The following SFMBT1 variants were observed in gnomAD, a reference collection of about 807,000 sequenced individuals.
SFMBT1 encodes scm-like with four MBT domains protein 1.
Under a neutral mutation model 108.7 loss-of-function variants are expected in SFMBT1, and 32 were observed. That is an observed-to-expected ratio of 0.29 (90% CI 0.22 to 0.40). The LOEUF is 0.40. Ranked by LOEUF, SFMBT1 falls within the 10% of genes least tolerant of loss-of-function variation. SFMBT1 has a pLI of 1.00. For synonymous variants in SFMBT1, 348 were observed against 369.5 expected, an observed-to-expected ratio of 0.94 and a Z score of 0.67; for missense variants, 816 against 1,059.6, an observed-to-expected ratio of 0.77 and a Z score of 3.19.
At chr3:53,012,442 G>A (rs759833495) in intron 1 of SFMBT1, among the ~76,000 whole-genome samples, 13 of 149,950 alleles carry the variant, frequency 8.7e-5, no homozygotes, top group Non-Finnish European at 1.2e-4. Flanking sequence ...TCGCTCTGTC[G>A]CCCAGGCTGG....
In SFMBT1 at chr3:53,036,491, G is replaced by A. The variant is rs370703641; in HGVS notation, c.-131+9325C>T. On this transcript the variant is annotated intron_variant, in intron 1 of 20. Coordinates refer to ENST00000394752, the MANE Select transcript of SFMBT1 (RefSeq NM_016329.4). ...GGACAAAACAAACACCATCGCTGAG[G>A]AGCAATGTAAAGAAAGAGACCTGGG... 4.6e-5 allele frequency among the ~76,000 whole-genome samples: 7 copies of A among 152,326 alleles called. No individual in the cohort carries two copies. The East Asian group carries it at 5.8e-4, about 13-fold the overall frequency.
chr3:52,962,661 C>G (rs1704001287), intron 2 of SFMBT1, among the ~76,000 whole-genome samples: 1 of 151,814 alleles, frequency 6.6e-6, no homozygotes, highest in Admixed American at 6.6e-5. Context: ...CAAAAATTAG[C>G]CAGGTGCATG....
At chr3:53,001,633 G>C (rs1698550539) in intron 1 of SFMBT1, among the ~76,000 whole-genome samples, 1 of 148,710 alleles carries the variant, frequency 6.7e-6, no homozygotes, top group Non-Finnish European at 1.5e-5. Context: ...GCCAGGCACA[G>C]TGGCCGCGCC....
At chr3:53,004,526 C>A (rs1288800111) in intron 1 of SFMBT1, among the ~76,000 whole-genome samples, 1 of 150,026 alleles carries the variant, frequency 6.7e-6, no homozygotes, top group Admixed American at 6.7e-5. Flanking sequence ...CCTGCCTCGG[C>A]CTCCCAGAGT....
intron 2 of SFMBT1, among the ~76,000 whole-genome samples, chr3:52,965,554 A>G (rs982884370): frequency 6.6e-6 from 1 of 152,172 alleles, no homozygotes; most frequent in Non-Finnish European, 1.5e-5. Flanking sequence ...GAGGCCAGAA[A>G]GAAGTAGCAC....
rs117000645 is a variant in SFMBT1, at chr3:52,998,821, C to T, written c.-130-29563G>A. 9.3e-4 allele frequency among the ~76,000 whole-genome samples: 141 copies of T among 150,818 alleles called. 8 individuals carry two copies. The East Asian group carries it at 0.024, about 26-fold the overall frequency. The stretch of plus-strand genomic sequence containing the variant: ...GCCGATCGACCTGACTGGCCCACAA[C>T]GTCTTCAGCTACCACTGCAAGGGCC... On this transcript the variant is annotated intron_variant, in intron 1 of 20. Coordinates refer to ENST00000394752, the MANE Select transcript of SFMBT1 (RefSeq NM_016329.4).
chr3:52,931,120 C>A, intron 6 of SFMBT1, 85 bp from the exon 7 acceptor site: 2 of 1,252,364 alleles, frequency 1.6e-6, no homozygotes, highest in Middle Eastern at 2.0e-4. Flanking sequence ...TAAACAAAAA[C>A]AAGTCACTTT....
intron 1 of SFMBT1, among the ~76,000 whole-genome samples, chr3:52,999,574 C>G (rs1436625586): frequency 1.3e-5 from 2 of 150,344 alleles, no homozygotes; most frequent in African/African-American, 2.4e-5. Flanking sequence ...CACCCTGATG[C>G]TATGTTCAAA....
intron 8 of SFMBT1, among the ~76,000 whole-genome samples, chr3:52,928,963 C>T (rs1702774247): frequency 6.6e-6 from 1 of 151,956 alleles, no homozygotes; most frequent in Admixed American, 6.6e-5. Flanking sequence ...CCTCAGCCTC[C>T]CAAAGTGCTG....
At position 52,969,122 on chromosome 3, in the gene SFMBT1, C is replaced by T. The variant is rs1009918956; in HGVS notation, c.7G>A (p.Gly3Arg). 8 of 1,613,900 alleles carry T rather than the reference C, an allele frequency of 5.0e-6. No homozygotes were observed. Among genetic ancestry groups the T allele is most frequent in the East Asian group, 4.5e-5 (2 of 44,898 alleles). The change falls in exon 2 of 21, where the codon GGG becomes AGG. Residue 3 changes from glycine to arginine, a missense_variant. Physicochemically the swap from Gly to Arg is moderately radical, Grantham distance 125. Around this residue, in one of 5 missense-constraint regions of SFMBT1, gnomAD observed 495 missense variants for 607.4 expected, o/e 0.81. Coordinates refer to ENST00000394752, the MANE Select transcript of SFMBT1 (RefSeq NM_016329.4). Reference protein sequence around the residue: MNGEQQLDADAGS... With the variant: MNREQQLDADAGS... The stretch of plus-strand genomic sequence containing the variant: ...ATACCTGCATCAAGCTGCTGCTCCC[C>T]GTTCATTTCCACAGCATATAGGCAG...
intron 1 of SFMBT1, chr3:53,017,985 C>A (rs543673351): frequency 1.4e-4 from 22 of 152,460 alleles, no homozygotes; most frequent in African/African-American, 5.1e-4. Flanking sequence ...GTAATCCCAG[C>A]ACTTTGAGAA....
chr3:52,923,568 AAAAG>A (rs1161416350), intron 10 of SFMBT1, among the ~76,000 whole-genome samples: 9 of 152,140 alleles, frequency 5.9e-5, no homozygotes, highest in Middle Eastern at 6.8e-3. Context: ...CAAAAAAAAA[AAAAG>A]AAAGAAAGAA....
At chr3:52,958,497 A>G (rs941422478) in intron 2 of SFMBT1, among the ~76,000 whole-genome samples, 3 of 152,234 alleles carry the variant, frequency 2.0e-5, no homozygotes, top group Non-Finnish European at 4.4e-5. Flanking sequence ...AGGCTGAGGC[A>G]GGAGAATCTC....
At chr3:53,025,053 T>C (rs1365593874) in intron 1 of SFMBT1, among the ~76,000 whole-genome samples, 2 of 152,210 alleles carry the variant, frequency 1.3e-5, no homozygotes, top group East Asian at 3.8e-4. Context: ...AATATTTTTA[T>C]ATAAGTATTA....
chr3:52,939,247 T>C (rs1703111324), intron 4 of SFMBT1, among the ~76,000 whole-genome samples: 1 of 152,232 alleles, frequency 6.6e-6, no homozygotes, highest in Non-Finnish European at 1.5e-5. Flanking sequence ...CAGTATGTAT[T>C]ACAAGGCCTC....
intron 4 of SFMBT1, among the ~76,000 whole-genome samples, chr3:52,939,650 C>T (rs1703122243): frequency 6.6e-6 from 1 of 152,138 alleles, no homozygotes; most frequent in South Asian, 2.1e-4. Flanking sequence ...CAGTTTTCTT[C>T]TTCAAGGACT....
At chr3:52,980,134 A>G (rs1182543514) in intron 1 of SFMBT1, among the ~76,000 whole-genome samples, 1 of 152,248 alleles carries the variant, frequency 6.6e-6, no homozygotes, top group Non-Finnish European at 1.5e-5. Flanking sequence ...AAGTTAAAAA[A>G]TATCAAAACT....
At chr3:52,925,617 AG>A (rs1356211325) in intron 10 of SFMBT1, among the ~76,000 whole-genome samples, 1 of 152,250 alleles carries the variant, frequency 6.6e-6, no homozygotes, top group African/African-American at 2.4e-5. Flanking sequence ...GGGGTAGGGC[AG>A]GGACTGCTAT....
chr3:52,971,338 A>G (rs1704337183), intron 1 of SFMBT1, among the ~76,000 whole-genome samples: 1 of 152,264 alleles, frequency 6.6e-6, no homozygotes, highest in African/African-American at 2.4e-5. Flanking sequence ...AATTGTGGAC[A>G]TCCCACTTGA....
Sources: allele counts gnomAD v4.1 joint callset (sites outside exome capture counted in the v4.1 genomes callset), GRCh38; gene constraint gnomAD v4.1.1; regional missense constraint gnomAD v4.1.1; transcripts MANE v1.5; gene names NCBI Gene and HGNC (gene_info 2026-07-23, HGNC 2026-07-21).